Variants in ITGBL1 observed in about 807,000 individuals in gnomAD.
ITGBL1 encodes integrin subunit beta like 1.
ITGBL1 carries 51 observed loss-of-function variants against 68.5 expected under a neutral mutation model. The observed-to-expected ratio is 0.74, with a 90% confidence interval of 0.59 to 0.94. The LOEUF (loss-of-function observed/expected upper bound fraction) is 0.94. ITGBL1 is among the 40% of genes least tolerant of loss of function. The probability of loss-of-function intolerance (pLI) is 0.00; values close to 1 mark genes in which losing one functional copy is unlikely to be tolerated. For missense variants in ITGBL1, 649 were observed against 647.4 expected (o/e 1.00, Z -0.03); for synonymous variants, 209 against 227.3 (o/e 0.92, Z 0.72).
chr13:101,508,474 A>C (rs1292819842), intron 2 of ITGBL1, among the ~76,000 whole-genome samples: 4 of 152,270 alleles, frequency 2.6e-5, no homozygotes, highest in Non-Finnish European at 5.9e-5. Context: ...GCTTTATAAG[A>C]ATATGGTTCT....
At chr13:101,659,387 A>G (rs1251615744) in intron 7 of ITGBL1, among the ~76,000 whole-genome samples, 4 of 152,172 alleles carry the variant, frequency 2.6e-5, no homozygotes, top group Non-Finnish European at 5.9e-5. Context: ...AAAATGATTT[A>G]TTTTAATTAA....
At chr13:101,712,840 A>G (rs1295806126) in intron 9 of ITGBL1, 1 of 152,172 alleles carries the variant, frequency 6.6e-6, no homozygotes, top group Non-Finnish European at 1.5e-5. Context: ...AAATCAGGAA[A>G]TTCCTCACCT....
intron 2 of ITGBL1, among the ~76,000 whole-genome samples, chr13:101,457,773 G>A (rs1301210831): frequency 4.6e-5 from 7 of 151,998 alleles, no homozygotes; most frequent in East Asian, 1.9e-4. Context: ...CCAAGATTGC[G>A]CCATTGCACT....
At chr13:101,709,166 C>T (rs1393424892) in intron 9 of ITGBL1, among the ~76,000 whole-genome samples, 5 of 149,964 alleles carry the variant, frequency 3.3e-5, no homozygotes, top group African/African-American at 1.2e-4. Flanking sequence ...GAGATCGAGA[C>T]CATCCTGGCT....
At position 101,583,276 on chromosome 13, in the gene ITGBL1, A is replaced by G. The variant is rs1270477305; in HGVS notation, c.788A>G (p.Asp263Gly). The G allele has an allele frequency of 1.2e-6, 2 of 1,613,434 alleles. No homozygotes were observed. The highest frequency in any genetic ancestry group is 1.3e-5 in the African/African-American group (1 of 74,818). The change falls in exon 6 of 11, where the codon GAT (aspartate) becomes GGT (glycine). Residue 263 changes from aspartate (D) to glycine (G), a missense_variant. Transcript: ENST00000376180. ...GTTGATCCGACTGGGGACTGGGGAG[A>G]TATTCATGGGGACACCTGTGAATGT... ...HDVDPTGDWG[D>G]IHGDTCECDE...
chr13:101,541,774 T>A (rs1036849104), intron 2 of ITGBL1, among the ~76,000 whole-genome samples: 1 of 152,212 alleles, frequency 6.6e-6, no homozygotes, highest in Non-Finnish European at 1.5e-5. Context: ...TCTTCCTGGT[T>A]TAGTCTTGGG....
intron 2 of ITGBL1, among the ~76,000 whole-genome samples, chr13:101,511,092 A>C (rs1261741919): frequency 6.6e-6 from 1 of 151,930 alleles, no homozygotes; most frequent in Admixed American, 6.6e-5. Flanking sequence ...GTCGATGAGG[A>C]TATTTCCTAG....
intron 5 of ITGBL1, among the ~76,000 whole-genome samples, chr13:101,580,484 C>T (rs1278756912): frequency 6.6e-6 from 1 of 152,038 alleles, no homozygotes; most frequent in Non-Finnish European, 1.5e-5. Context: ...GTGCATTGCA[C>T]AACGTGCATG....
chr13:101,477,157 A>G lies in ITGBL1; in HGVS notation c.316+23057A>G, dbSNP rs369645141. Among the ~76,000 whole-genome samples the G allele has an allele frequency of 1.4e-4, 21 of 152,266 alleles. No individual in the cohort carries two copies. In the South Asian group the frequency reaches 4.4e-3, roughly 32 times the overall value. ...ATATCACATATCTTCTCAGACCACA[A>G]TGGAATAAAACTAGAAATCAATAAC... On this transcript the variant is annotated intron_variant, in intron 2 of 10. Transcript: ENST00000376180.
At chr13:101,643,829 C>G (rs2032470539) in intron 7 of ITGBL1, among the ~76,000 whole-genome samples, 1 of 152,024 alleles carries the variant, frequency 6.6e-6, no homozygotes, top group South Asian at 2.1e-4. Flanking sequence ...AAATAAGTGA[C>G]TTATTTATAA....
At chr13:101,456,185 A>G (rs944725713) in intron 2 of ITGBL1, among the ~76,000 whole-genome samples, 36 of 152,218 alleles carry the variant, frequency 2.4e-4, no homozygotes, top group Non-Finnish European at 2.4e-4. Flanking sequence ...TAGAAGATGA[A>G]ATGCTTCTCT....
Position 101,706,841 on chromosome 13 carries a change from G to GTAACAC in ITGBL1, c.1218_1219insTAACAC (p.Met406_Thr407insTer), listed in dbSNP as rs1424317081. 1 of 1,614,062 alleles carries GTAACAC rather than the reference G, an allele frequency of 6.2e-7. No homozygotes were observed. Among genetic ancestry groups the GTAACAC allele is most frequent in the Non-Finnish European group, 8.5e-7 (1 of 1,180,034 alleles). ...GCCAACATCCGCGGAAGTGTAACAT[G>GTAACAC]ACGGAAGAACAAAGCAAGAATCTGT... On this transcript the variant is annotated stop_gained and inframe_insertion, in exon 9 of 11. Transcript: ENST00000376180. LOFTEE classifies it high-confidence loss of function.
chr13:101,470,331 A>ATT (rs1386217807), intron 2 of ITGBL1, among the ~76,000 whole-genome samples: 2 of 151,542 alleles, frequency 1.3e-5, no homozygotes, highest in African/African-American at 4.9e-5. Flanking sequence ...TTTTTAATTA[A>ATT]TTTATTTTTT....
chr13:101,646,287 G>A (rs1223096617), intron 7 of ITGBL1, among the ~76,000 whole-genome samples: 2 of 151,600 alleles, frequency 1.3e-5, no homozygotes, highest in Admixed American at 6.6e-5. Context: ...GCCACCAGGT[G>A]TAATTATTTT....
intron 2 of ITGBL1, among the ~76,000 whole-genome samples, chr13:101,537,068 A>T (rs201653065): frequency 6.7e-6 from 1 of 149,262 alleles, no homozygotes; most frequent in Non-Finnish European, 1.5e-5. Context: ...TCCCCATTGG[A>T]TAAAACGTAT....
chr13:101,607,578 G>C (rs181806023), intron 7 of ITGBL1, among the ~76,000 whole-genome samples: 39 of 151,716 alleles, frequency 2.6e-4, no homozygotes, highest in African/African-American at 8.9e-4. Context: ...AAATCTCTTA[G>C]TATTAATTCT....
At chr13:101,607,447 A>G (rs1053653753) in intron 7 of ITGBL1, among the ~76,000 whole-genome samples, 1 of 152,078 alleles carries the variant, frequency 6.6e-6, no homozygotes, top group Non-Finnish European at 1.5e-5. Flanking sequence ...GCTGCATAAT[A>G]TTCCATTATA....
chr13:101,533,044 T>C (rs1466040616), intron 2 of ITGBL1, among the ~76,000 whole-genome samples: 1 of 152,202 alleles, frequency 6.6e-6, no homozygotes, highest in East Asian at 1.9e-4. Context: ...GACATACTTC[T>C]AGGATTACAA....
At chr13:101,643,189 C>T (rs1355678058) in intron 7 of ITGBL1, among the ~76,000 whole-genome samples, 7 of 151,528 alleles carry the variant, frequency 4.6e-5, no homozygotes, top group Non-Finnish European at 8.8e-5. Context: ...ATTCTTCCTA[C>T]CCATGAGCAT....
Sources: allele counts gnomAD v4.1 joint callset (sites outside exome capture counted in the v4.1 genomes callset), GRCh38; gene constraint gnomAD v4.1.1; transcripts MANE v1.5; gene names NCBI Gene and HGNC (gene_info 2026-07-23, HGNC 2026-07-21).